The following RAB6A variants were observed in gnomAD, a reference collection of about 807,000 sequenced individuals.
RAB6A encodes the protein RAB6A, member RAS oncogene family.
Under a neutral mutation model 32.3 loss-of-function variants are expected in RAB6A, and 8 were observed. The ratio of observed to expected loss-of-function variants is 0.25; its 90% CI spans 0.15 to 0.45. The LOEUF is 0.45. RAB6A is among the 20% of genes least tolerant of loss of function. RAB6A has a pLI of 1.00. For synonymous variants in RAB6A, 73 were observed against 82.1 expected (o/e 0.89, Z 0.60); for missense variants, 104 against 249.4 (o/e 0.42, Z 3.93).
intron 1 of RAB6A, among the ~76,000 whole-genome samples, chr11:73,757,098 CAT>C (rs1170100550): frequency 0.069 from 2,601 of 37,626 alleles, 152 homozygotes; most frequent in East Asian, 0.092. Context: ...AATATACATA[CAT>C]ATATATATAT....
chr11:73,687,884 T>C (rs1236276654), intron 6 of RAB6A, among the ~76,000 whole-genome samples: 1 of 152,264 alleles, frequency 6.6e-6, no homozygotes, highest in African/African-American at 2.4e-5. Context: ...TCACGGATGT[T>C]ACCTTGTAGA....
At chr11:73,752,360 G>C (rs1365656917) in intron 1 of RAB6A, among the ~76,000 whole-genome samples, 1 of 152,152 alleles carries the variant, frequency 6.6e-6, no homozygotes, top group African/African-American at 2.4e-5. Flanking sequence ...GGAGACTGAG[G>C]TATGAGAATC....
intron 1 of RAB6A, among the ~76,000 whole-genome samples, chr11:73,755,842 G>A (rs1946740514): frequency 7.2e-6 from 1 of 138,684 alleles, no homozygotes; most frequent in African/African-American, 2.5e-5. Context: ...GGGGAAGGAA[G>A]AGAAAGAAGA....
intron 6 of RAB6A, among the ~76,000 whole-genome samples, chr11:73,698,849 A>ATTTTTT (rs555410867): frequency 2.5e-5 from 3 of 118,276 alleles, no homozygotes; most frequent in Non-Finnish European, 3.3e-5. Context: ...TTTTTTTGCG[A>ATTTTTT]TTTTTTTTTT....
chr11:73,757,203 G>GCATGATCT (rs907656520), intron 1 of RAB6A, among the ~76,000 whole-genome samples: 1 of 123,176 alleles, frequency 8.1e-6, no homozygotes, highest in Non-Finnish European at 1.6e-5. Flanking sequence ...CAGTGCAATG[G>GCATGATCT]CATGATCTCA....
chr11:73,745,861 G>A (rs1252612815), intron 1 of RAB6A, among the ~76,000 whole-genome samples: 4 of 151,726 alleles, frequency 2.6e-5, no homozygotes, highest in African/African-American at 9.7e-5. Context: ...GCAGGACATG[G>A]TGGTGGCACG....
chr11:73,692,788 C>CAAAAAAAAA (rs140762210), intron 6 of RAB6A, among the ~76,000 whole-genome samples: 143 of 97,796 alleles, frequency 1.5e-3, no homozygotes, highest in African/African-American at 2.6e-3. Context: ...ACTAAAAATA[C>CAAAAAAAAA]AAAAAAAAAA....
At chr11:73,704,255 T>G in intron 6 of RAB6A, 2 of 388,296 alleles carry the variant, frequency 5.2e-6, no homozygotes, top group Admixed American at 5.5e-5. Flanking sequence ...TGGTGGTGTG[T>G]GCCTGTAGTC....
Position 73,679,499 on chromosome 11 carries a change from C to T in RAB6A, c.562+155G>A, listed in dbSNP as rs116953787. ...CAAAGGGTGCACTTGGATAACCAGA[C>T]CTCATTTGCTATAGAAAACAAATGA... On this transcript the variant is annotated intron_variant, in intron 7 of 7. Transcript: ENST00000336083. Among the ~76,000 whole-genome samples, 397 of 150,854 alleles carry T rather than the reference C, an allele frequency of 2.6e-3. 2 individuals carry two copies. Among genetic ancestry groups the T allele is most frequent in the Middle Eastern group, 6.8e-3 (2 of 292 alleles).
intron 6 of RAB6A, among the ~76,000 whole-genome samples, chr11:73,706,576 T>C (rs898812895): frequency 6.6e-6 from 1 of 152,000 alleles, no homozygotes; most frequent in African/African-American, 2.4e-5. Context: ...CCCTACATGA[T>C]ATACAGCCTT....
At chr11:73,690,815 G>T (rs1263126040) in intron 6 of RAB6A, among the ~76,000 whole-genome samples, 3 of 150,420 alleles carry the variant, frequency 2.0e-5, no homozygotes, top group African/African-American at 4.9e-5. Context: ...GAAGCTAAGT[G>T]TCTCTGGACT....
At chr11:73,728,412 T>G (rs757569319) in intron 2 of RAB6A, among the ~76,000 whole-genome samples, 1 of 152,064 alleles carries the variant, frequency 6.6e-6, no homozygotes, top group Admixed American at 6.6e-5. Context: ...AATGATCATG[T>G]GATTTTGTCC....
intron 1 of RAB6A, among the ~76,000 whole-genome samples, chr11:73,744,579 A>C (rs1180235289): frequency 6.6e-6 from 1 of 150,844 alleles, no homozygotes; most frequent in Admixed American, 6.6e-5. Flanking sequence ...CTTTTATTTT[A>C]CTCCTACAAC....
chr11:73,742,136 G>T (rs1214506123), intron 1 of RAB6A, among the ~76,000 whole-genome samples: 1 of 152,024 alleles, frequency 6.6e-6, no homozygotes, highest in African/African-American at 2.4e-5. Flanking sequence ...ACAAAAATTA[G>T]CTGGGTGTGG....
chr11:73,715,213 G>A (rs868862473), intron 5 of RAB6A, among the ~76,000 whole-genome samples: 4 of 151,752 alleles, frequency 2.6e-5, no homozygotes. Context: ...TGCAACCTCC[G>A]CTCCCCTGGT....
At chr11:73,750,354 T>C (rs1946654498) in intron 1 of RAB6A, among the ~76,000 whole-genome samples, 1 of 151,962 alleles carries the variant, frequency 6.6e-6, no homozygotes, top group Non-Finnish European at 1.5e-5. Flanking sequence ...TTCCCTTTTT[T>C]TTTTTTTTCT....
chr11:73,718,767 C>T (rs769718784), intron 3 of RAB6A, 49 bp from the exon 4 acceptor site: 6 of 1,613,920 alleles, frequency 3.7e-6, no homozygotes, highest in Non-Finnish European at 5.1e-6. Flanking sequence ...AAAGGTCAAC[C>T]CGTTGCAATA....
In RAB6A at chr11:73,678,323, A is replaced by C. The variant is rs964202868; in HGVS notation, c.563-361T>G. Among the ~76,000 whole-genome samples, 6 of 152,242 alleles carry C rather than the reference A, an allele frequency of 3.9e-5. 1 individual carries two copies. The highest frequency in any genetic ancestry group is 1.2e-4 in the African/African-American group (5 of 41,474). On this transcript the variant is annotated intron_variant, in intron 7 of 7. Transcript: ENST00000336083. Reference sequence around the variant, plus strand: ...ACAGCAGAGGAAACATTTAGTAAATAATGGGACTTCAGGCCGGGTGCCGTG... The same window carrying C: ...ACAGCAGAGGAAACATTTAGTAAATCATGGGACTTCAGGCCGGGTGCCGTG...
intron 1 of RAB6A, among the ~76,000 whole-genome samples, chr11:73,746,041 G>T (rs1016108599): frequency 2.0e-5 from 3 of 151,264 alleles, no homozygotes; most frequent in African/African-American, 7.3e-5. Flanking sequence ...AAACAATGAA[G>T]ATCAGTCAAG....
Sources: allele counts gnomAD v4.1 joint callset (sites outside exome capture counted in the v4.1 genomes callset), GRCh38; gene constraint gnomAD v4.1.1; transcripts MANE v1.5; gene names NCBI Gene and HGNC (gene_info 2026-07-23, HGNC 2026-07-21).